Variants in ARMC9 observed in about 807,000 individuals in gnomAD.
The protein encoded by ARMC9 is armadillo repeat containing 9, also known as lisH domain-containing protein ARMC9.
ARMC9 carries 94 observed loss-of-function variants against 107.0 expected under a neutral mutation model. The ratio of observed to expected loss-of-function variants is 0.88; its 90% CI spans 0.74 to 1.04. The LOEUF (loss-of-function observed/expected upper bound fraction) is 1.04, where lower values mean the gene tolerates loss of function less well. Ranked by LOEUF, ARMC9 falls within the 50% of genes least tolerant of loss-of-function variation. The pLI, the probability that ARMC9 is intolerant of heterozygous loss-of-function variation, is 0.00. For missense variants in ARMC9, 942 were observed against 1,030.1 expected (o/e 0.91, Z 1.17); for synonymous variants, 380 against 396.9 (o/e 0.96, Z 0.51).
At chr2:231,352,570 C>G (rs146362807) in intron 21 of ARMC9, among the ~76,000 whole-genome samples, 12,009 of 150,408 alleles carry the variant, frequency 0.08, 1,430 homozygotes, top group African/African-American at 0.26. Flanking sequence ...GTGATCCGCC[C>G]GCCTTGGCTT....
intron 17 of ARMC9, among the ~76,000 whole-genome samples, chr2:231,284,670 A>G (rs992970518): frequency 3.3e-5 from 5 of 152,208 alleles, no homozygotes; most frequent in African/African-American, 9.6e-5. Context: ...TACTCTCAGA[A>G]ATGAGATACC....
chr2:231,369,661 G>A (rs940966419), intron 23 of ARMC9, among the ~76,000 whole-genome samples: 3 of 150,158 alleles, frequency 2.0e-5, no homozygotes, highest in African/African-American at 7.4e-5. Context: ...CAACAGTGCC[G>A]TCTTGGCTCA....
rs780303891 is a variant in ARMC9 at position 231,331,907 on chromosome 2, A to T, written c.1878+10A>T. Reference sequence around the variant, plus strand: ...CACGGAGTACCTGGGGGTAAGTGCCACACAAAGGGTGGGGATCCTGAAACA... The same window carrying T: ...CACGGAGTACCTGGGGGTAAGTGCCTCACAAAGGGTGGGGATCCTGAAACA... On this transcript the variant is annotated intron_variant, in intron 20 of 24. Coordinates refer to ENST00000611582, the MANE Select transcript of ARMC9 (RefSeq NM_001352754.2). 6.2e-7 allele frequency: 1 copy of T among 1,602,352 alleles called. No individual in the cohort carries two copies. Among genetic ancestry groups the T allele is most frequent in the Non-Finnish European group, 8.5e-7 (1 of 1,170,234 alleles).
chr2:231,239,799 A>T (rs1389715604), intron 8 of ARMC9, 144 bp from the exon 9 acceptor site: 1 of 700,722 alleles, frequency 1.4e-6, no homozygotes, highest in African/African-American at 1.8e-5. Context: ...GTTAAAGCAA[A>T]TGATTATTTT....
At chr2:231,315,925 GC>G (rs1409122013) in intron 19 of ARMC9, among the ~76,000 whole-genome samples, 1 of 152,028 alleles carries the variant, frequency 6.6e-6, no homozygotes, top group African/African-American at 2.4e-5. Context: ...AGCCGTATTT[GC>G]CTTTTTGTTT....
intron 5 of ARMC9, among the ~76,000 whole-genome samples, chr2:231,222,182 A>AAAT (rs2034212021): frequency 6.6e-6 from 1 of 152,196 alleles, no homozygotes; most frequent in Admixed American, 6.5e-5. Context: ...CTTGATGAGC[A>AAAT]TTATTTGAGA....
At chr2:231,307,770 C>A (rs2042115246) in intron 19 of ARMC9, among the ~76,000 whole-genome samples, 1 of 152,214 alleles carries the variant, frequency 6.6e-6, no homozygotes. Context: ...AGGCATCTGG[C>A]CATAACGTTG....
chr2:231,330,690 G>T (rs1178812100), intron 19 of ARMC9, among the ~76,000 whole-genome samples: 2 of 152,176 alleles, frequency 1.3e-5, no homozygotes, highest in African/African-American at 4.8e-5. Context: ...GGCTCCTGAG[G>T]CCCTTGCTGG....
chr2:231,288,234 A>G (rs1220858801), intron 17 of ARMC9, among the ~76,000 whole-genome samples: 1 of 152,222 alleles, frequency 6.6e-6, no homozygotes, highest in East Asian at 1.9e-4. Context: ...GAAAATGATC[A>G]TAAAGTTAAA....
At chr2:231,215,765 C>T (rs1365894663) in intron 4 of ARMC9, among the ~76,000 whole-genome samples, 5 of 152,278 alleles carry the variant, frequency 3.3e-5, no homozygotes, top group South Asian at 2.1e-4. Flanking sequence ...AGAACACCAA[C>T]GGTGGGGACA....
rs1360769964 is a variant in ARMC9, at chr2:231,249,873, CCGCCCACCCGTGCA to C, written c.880-6711_880-6698del. ...GCACACCTCCACGGGAGGGAGACCACCGCCCACCCGTGCACACCTCCACGGGAGGGAGACCACCG... is the reference window on the plus strand; with the variant it reads ...GCACACCTCCACGGGAGGGAGACCACCACCTCCACGGGAGGGAGACCACCG... On this transcript the variant is annotated intron_variant, in intron 9 of 24. Transcript: ENST00000611582. Among the ~76,000 whole-genome samples, 394 of 79,908 alleles carry C rather than the reference CCGCCCACCCGTGCA, an allele frequency of 4.9e-3. 68 individuals are homozygous for C. The highest frequency in any genetic ancestry group is 0.023 in the African/African-American group (354 of 15,324). The allele number at this position is 79,908 out of a possible 152,430, so 52.4% of individuals were successfully genotyped here. A position where few individuals can be genotyped will look rare whatever the true frequency, so the allele number is the denominator to read the frequency against.
chr2:231,269,327 G>A (rs2039107319), intron 12 of ARMC9, among the ~76,000 whole-genome samples: 1 of 149,396 alleles, frequency 6.7e-6, no homozygotes, highest in South Asian at 2.1e-4. Flanking sequence ...TCCTGAACTG[G>A]TTTTCTATTA....
At chr2:231,280,457 CAA>C (rs1254073690) in intron 16 of ARMC9, among the ~76,000 whole-genome samples, 2 of 149,612 alleles carry the variant, frequency 1.3e-5, no homozygotes, top group Non-Finnish European at 3.0e-5. Context: ...GACTCTGTCT[CAA>C]AAAAATAAAT....
rs529032919 is a variant in ARMC9, at chr2:231,324,685, G to A, written c.1774-7108G>A. 9.9e-5 allele frequency among the ~76,000 whole-genome samples: 15 copies of A among 151,744 alleles called. No individual in the cohort carries two copies. In the East Asian group the frequency reaches 2.0e-3, roughly 20 times the overall value. ...CTTGAACCGAGGAGGCGGAGGTTGT[G>A]GTGAGTGGAGATCACACCATTGCAC... On this transcript the variant is annotated intron_variant, in intron 19 of 24. Coordinates refer to ENST00000611582, the MANE Select transcript of ARMC9 (RefSeq NM_001352754.2).
chr2:231,209,510 G>A (rs996454234), intron 3 of ARMC9, among the ~76,000 whole-genome samples: 5 of 152,250 alleles, frequency 3.3e-5, no homozygotes, highest in Middle Eastern at 6.8e-3. Context: ...TCCTGAGACA[G>A]CATGTTTCAC....
At chr2:231,279,379 G>A (rs149518805) in intron 16 of ARMC9, among the ~76,000 whole-genome samples, 149 of 152,278 alleles carry the variant, frequency 9.8e-4, no homozygotes, top group African/African-American at 3.5e-3. Context: ...CCACGGCAAA[G>A]CTTCAACAAA....
chr2:231,208,387 A>G, intron 3 of ARMC9, 135 bp downstream of exon 3: 1 of 674,362 alleles, frequency 1.5e-6, no homozygotes, highest in Non-Finnish European at 2.6e-6. Flanking sequence ...ACAAGTGTTT[A>G]TAGATGAACT....
At chr2:231,331,051 A>G (rs148363199) in intron 19 of ARMC9, among the ~76,000 whole-genome samples, 4 of 152,128 alleles carry the variant, frequency 2.6e-5, no homozygotes, top group Non-Finnish European at 1.5e-5. Flanking sequence ...CTGAGAAGGG[A>G]GGATCACTTG....
chr2:231,369,240 C>G (rs2045925590), intron 23 of ARMC9, among the ~76,000 whole-genome samples: 1 of 152,180 alleles, frequency 6.6e-6, no homozygotes, highest in Non-Finnish European at 1.5e-5. Context: ...GCCTGCATTT[C>G]CCCACCTTAT....
Sources: allele counts gnomAD v4.1 joint callset (sites outside exome capture counted in the v4.1 genomes callset), GRCh38; gene constraint gnomAD v4.1.1; transcripts MANE v1.5; gene names NCBI Gene and HGNC (gene_info 2026-07-23, HGNC 2026-07-21).